The following ITPKB variants were observed in gnomAD, a reference collection of about 807,000 sequenced individuals.
ITPKB encodes the protein inositol-trisphosphate 3-kinase B.
A neutral mutation model predicts 69.4 loss-of-function variants in ITPKB; 13 were observed. The ratio of observed to expected loss-of-function variants is 0.19; its 90% CI spans 0.12 to 0.30. ITPKB has a LOEUF of 0.30. ITPKB is among the 10% of genes least tolerant of loss of function. The pLI, the probability that ITPKB is intolerant of heterozygous loss-of-function variation, is 1.00. For missense variants in ITPKB, 1,240 were observed against 1,250.5 expected, an observed-to-expected ratio of 0.99 and a Z score of 0.13; for synonymous variants, 584 against 513.7, an observed-to-expected ratio of 1.14 and a Z score of -1.85.
chr1:226,731,035 C>T lies in ITPKB; in HGVS notation c.1932+4492G>A, dbSNP rs7546481. ...TAAGCATTTGCATGATAAGTAGCAACGCTTAGAATCAATCTCTCTTTGTCT... is the reference window on the plus strand; with the variant it reads ...TAAGCATTTGCATGATAAGTAGCAATGCTTAGAATCAATCTCTCTTTGTCT... On this transcript the variant is annotated intron_variant, in intron 2 of 7. Transcript: ENST00000429204. 2.6e-3 allele frequency among the ~76,000 whole-genome samples: 395 copies of T among 152,296 alleles called. 3 individuals carry two copies. Among genetic ancestry groups the T allele is most frequent in the African/African-American group, 8.3e-3 (344 of 41,556 alleles).
At chr1:226,680,023 G>A (rs959335206) in intron 2 of ITPKB, among the ~76,000 whole-genome samples, 3 of 152,214 alleles carry the variant, frequency 2.0e-5, no homozygotes, top group Non-Finnish European at 2.9e-5. Context: ...TTGGCCCAGC[G>A]TCTGCGCCTC....
At chr1:226,659,010 C>T (rs577390944) in intron 2 of ITPKB, among the ~76,000 whole-genome samples, 2 of 152,336 alleles carry the variant, frequency 1.3e-5, no homozygotes, top group South Asian at 4.1e-4. Flanking sequence ...AGTGCGTAGA[C>T]CTGGTCGGGC....
intron 2 of ITPKB, among the ~76,000 whole-genome samples, chr1:226,727,095 G>A (rs1200268954): frequency 3.3e-5 from 5 of 152,116 alleles, no homozygotes; most frequent in South Asian, 2.1e-4. Context: ...TATAACAGTC[G>A]TCATCCTTTC....
At chr1:226,639,357 G>A (rs1161838630) in intron 6 of ITPKB, among the ~76,000 whole-genome samples, 200 bp downstream of exon 6, 1 of 152,136 alleles carries the variant, frequency 6.6e-6, no homozygotes, top group African/African-American at 2.4e-5. Context: ...TGTGCCCGGC[G>A]TGCCTTTGAC....
intron 6 of ITPKB, among the ~76,000 whole-genome samples, chr1:226,638,817 G>A (rs918766447): frequency 3.3e-5 from 5 of 151,850 alleles, no homozygotes; most frequent in African/African-American, 7.3e-5. Context: ...TTTGCTGCAC[G>A]CTTGGCATGA....
intron 2 of ITPKB, among the ~76,000 whole-genome samples, chr1:226,700,896 T>TG (rs1571864538): frequency 1.3e-5 from 2 of 152,236 alleles, no homozygotes; most frequent in East Asian, 3.8e-4. Flanking sequence ...AAGGCCTGTG[T>TG]CTTTTTCTGG....
Position 226,686,524 on chromosome 1 carries a change from C to G in ITPKB, c.1933-37753G>C, listed in dbSNP as rs374356254. Among the ~76,000 whole-genome samples, 32 of 152,284 alleles carry G rather than the reference C, an allele frequency of 2.1e-4. No homozygotes were observed. In the East Asian group the frequency reaches 5.0e-3, roughly 24 times the overall value. On this transcript the variant is annotated intron_variant, in intron 2 of 7. Transcript: ENST00000429204. The stretch of plus-strand genomic sequence containing the variant: ...CTCCCTTTAGCTCAGTGGGAAAAAC[C>G]CAAAGCTCCTGCCCTGCCTCTGTGC...
At position 226,736,076 on chromosome 1, in the gene ITPKB, C is replaced by T. The variant is rs766316410; in HGVS notation, c.1383G>A (p.Pro461=). 4 of 1,612,282 alleles carry T rather than the reference C, an allele frequency of 2.5e-6. No homozygotes were observed. Among genetic ancestry groups the T allele is most frequent in the African/African-American group, 1.3e-5 (1 of 74,942 alleles). Residue 461 remains proline (P), a synonymous_variant, in exon 2 of 8, where the codon CCG becomes CCA. Coordinates refer to ENST00000429204, the MANE Select transcript of ITPKB (RefSeq NM_002221.4). ...TTCCCGCCTCCACATTCCCGGTCCC[C>T]GGCTGTGCTGAGGGGCTGCCCCCAA... is the stretch of plus-strand genomic sequence containing the variant. ...GLLGGSPSAQ[P]GTGNVEAGIP...
chr1:226,643,909 A>G (rs1669012957), intron 4 of ITPKB, among the ~76,000 whole-genome samples: 1 of 152,206 alleles, frequency 6.6e-6, no homozygotes, highest in East Asian at 1.9e-4. Flanking sequence ...CACAGAGCAC[A>G]CCCCTCACAT....
chr1:226,664,093 C>T (rs911379826), intron 2 of ITPKB, among the ~76,000 whole-genome samples: 2 of 152,228 alleles, frequency 1.3e-5, no homozygotes, highest in African/African-American at 2.4e-5. Flanking sequence ...CTCTTGCCTG[C>T]ACAGCTTACA....
chr1:226,642,025 C>G lies in ITPKB; in HGVS notation c.2347G>C (p.Glu783Gln), dbSNP rs751539212. ...MIEVDPEAPT[E>Q]EEKAQRAVTK... ...ACAGCCCGCTGTGCTTTTTCCTCCT[C>G]GGTGGGGGCCTCGGGGTCCACCTCG... The change falls in exon 5 of 8, where the codon GAG becomes CAG. Residue 783 changes from glutamate (E) to glutamine (Q), a missense_variant. Physicochemically the swap from Glu to Gln is conservative, Grantham distance 29 (BLOSUM62 2). Coordinates refer to ENST00000429204, the MANE Select transcript of ITPKB (RefSeq NM_002221.4). This position sits in a 1 kb window ranked among gnomAD's most constrained non-coding sequence, Gnocchi z 6.4. 2 of 1,614,194 alleles carry G rather than the reference C, an allele frequency of 1.2e-6. No individual in the cohort carries two copies. The highest frequency in any genetic ancestry group is 1.7e-6 in the Non-Finnish European group (2 of 1,180,038).
In ITPKB at chr1:226,639,677, C is replaced by CACCCAGG. The variant is rs1668910771; in HGVS notation, c.2452-26_2452-20dup. On this transcript the variant is annotated intron_variant, in intron 5 of 7. Transcript: ENST00000429204. The stretch of plus-strand genomic sequence containing the variant: ...CTTCTTTCTGAGAAAGAGAACACCC[C>CACCCAGG]ACCCAGGAGGGGGTCAGCAGGGACC... 2 of 1,558,972 alleles carry CACCCAGG rather than the reference C, an allele frequency of 1.3e-6. No homozygotes were observed. The highest frequency in any genetic ancestry group is 1.8e-6 in the Non-Finnish European group (2 of 1,129,818).
At chr1:226,733,209 A>T (rs1657645046) in intron 2 of ITPKB, among the ~76,000 whole-genome samples, 8 of 152,184 alleles carry the variant, frequency 5.3e-5, no homozygotes. Context: ...CAAGCATGAG[A>T]GTGTGCAGCT....
intron 2 of ITPKB, among the ~76,000 whole-genome samples, chr1:226,680,846 G>A (rs1338799889): frequency 2.0e-5 from 3 of 152,126 alleles, no homozygotes; most frequent in African/African-American, 7.2e-5. Context: ...TGGGACAAAC[G>A]GGAAAATGTT....
chr1:226,637,762 A>C lies in ITPKB; in HGVS notation c.2554-12T>G. On this transcript the variant is annotated splice_polypyrimidine_tract_variant and intron_variant, in intron 6 of 7. Coordinates refer to ENST00000429204, the MANE Select transcript of ITPKB (RefSeq NM_002221.4). This position sits in a 1 kb window ranked among gnomAD's most constrained non-coding sequence, Gnocchi z 4.3. ...TCCCGATAGGCGATCTGGGAATAGA[A>C]AGAGGACCAGATTTTTAAGCGCCGC... The C allele has an allele frequency of 1.9e-6, 3 of 1,609,126 alleles. No homozygotes were observed. The highest frequency in any genetic ancestry group is 2.6e-6 in the Non-Finnish European group (3 of 1,175,840).
intron 2 of ITPKB, among the ~76,000 whole-genome samples, chr1:226,685,069 G>A (rs756580439): frequency 1.3e-5 from 2 of 152,220 alleles, no homozygotes; most frequent in Non-Finnish European, 2.9e-5. Flanking sequence ...AAGCCAAGCT[G>A]GGGAATGAAG....
In ITPKB at chr1:226,738,831, T is replaced by G. The variant is rs1249274549; in HGVS notation, c.-206+210A>C. 1.3e-5 allele frequency among the ~76,000 whole-genome samples: 2 copies of G among 151,882 alleles called. No homozygotes were observed. Among genetic ancestry groups the G allele is most frequent in the Non-Finnish European group, 2.9e-5 (2 of 67,970 alleles). On this transcript the variant is annotated intron_variant, in intron 1 of 7. Transcript: ENST00000429204. This position sits in a 1 kb window ranked among gnomAD's most constrained non-coding sequence, Gnocchi z 4.2. ...CGGAGTGAGCGGCCCGGAAGGCGGGTAGGAGAAATGCGGAGACCTCGTCTC... is the reference window on the plus strand; with the variant it reads ...CGGAGTGAGCGGCCCGGAAGGCGGGGAGGAGAAATGCGGAGACCTCGTCTC...
intron 2 of ITPKB, among the ~76,000 whole-genome samples, chr1:226,714,542 T>C (rs1011489470): frequency 5.9e-5 from 9 of 152,340 alleles, no homozygotes; most frequent in African/African-American, 2.2e-4. Context: ...TTAAAGGGTC[T>C]ATAGAAAACT....
chr1:226,659,004 C>T (rs528708618), intron 2 of ITPKB, among the ~76,000 whole-genome samples: 2 of 152,208 alleles, frequency 1.3e-5, no homozygotes, highest in Non-Finnish European at 2.9e-5. Flanking sequence ...GTTTGCAGTG[C>T]GTAGACCTGG....
Sources: allele counts gnomAD v4.1 joint callset (sites outside exome capture counted in the v4.1 genomes callset), GRCh38; gene constraint gnomAD v4.1.1; non-coding constraint Gnocchi (gnomAD v3.1); transcripts MANE v1.5; gene names NCBI Gene and HGNC (gene_info 2026-07-23, HGNC 2026-07-21).